AGBL4: variants seen among roughly 807,000 people sequenced by gnomAD.
The protein encoded by AGBL4 is cytosolic carboxypeptidase 6.
A neutral mutation model predicts 66.4 loss-of-function variants in AGBL4; 58 were observed. That is an observed-to-expected ratio of 0.87 (90% CI 0.71 to 1.09). The LOEUF is 1.09. AGBL4 is among the 50% of genes least tolerant of loss of function. The pLI is 0.00. For synonymous variants in AGBL4, 234 were observed against 222.9 expected (o/e 1.05, Z -0.44); for missense variants, 579 against 631.0 (o/e 0.92, Z 0.88).
At chr1:49,009,111 C>G (rs1662139851) in intron 5 of AGBL4, among the ~76,000 whole-genome samples, 1 of 151,300 alleles carries the variant, frequency 6.6e-6, no homozygotes, top group African/African-American at 2.4e-5. Flanking sequence ...AAAGGATCAA[C>G]AAAATAGATA....
chr1:48,757,847 A>T (rs539789164), intron 6 of AGBL4, among the ~76,000 whole-genome samples: 1 of 152,320 alleles, frequency 6.6e-6, no homozygotes, highest in South Asian at 2.1e-4. Flanking sequence ...ACCTTCTTCA[A>T]GCAAAGCACA....
At chr1:48,980,693 A>T (rs2148964293) in intron 5 of AGBL4, among the ~76,000 whole-genome samples, 1 of 130,794 alleles carries the variant, frequency 7.6e-6, no homozygotes, top group East Asian at 2.4e-4. Context: ...GGTGATTGGA[A>T]TTAGTGTTTA....
At chr1:49,916,254 G>A (rs1651475360) in intron 1 of AGBL4, among the ~76,000 whole-genome samples, 1 of 152,204 alleles carries the variant, frequency 6.6e-6, no homozygotes, top group Non-Finnish European at 1.5e-5. Flanking sequence ...GATGAGTTGA[G>A]AGAAGAGGGC....
chr1:49,958,248 T>C (rs1054047182), intron 1 of AGBL4, among the ~76,000 whole-genome samples: 2 of 152,102 alleles, frequency 1.3e-5, no homozygotes, highest in Non-Finnish European at 2.9e-5. Context: ...CTGATGGGCT[T>C]TCCTCTGTGG....
At chr1:49,822,608 A>G (rs974102915) in intron 2 of AGBL4, among the ~76,000 whole-genome samples, 2 of 152,164 alleles carry the variant, frequency 1.3e-5, no homozygotes, top group Non-Finnish European at 2.9e-5. Context: ...TCAAATGCTC[A>G]TCTCCAGAAA....
intron 2 of AGBL4, chr1:49,845,384 A>G: frequency 7.2e-7 from 1 of 1,386,888 alleles, no homozygotes; most frequent in Non-Finnish European, 1.0e-6. Context: ...AGCCAACACA[A>G]GTGAACTCAC....
At chr1:48,909,232 T>C (rs1359660358) in intron 5 of AGBL4, among the ~76,000 whole-genome samples, 1 of 152,206 alleles carries the variant, frequency 6.6e-6, no homozygotes, top group Non-Finnish European at 1.5e-5. Flanking sequence ...TTTTAATGCA[T>C]ATGTTTGTAA....
chr1:49,115,189 C>A lies in AGBL4; in HGVS notation c.378-69389G>T, dbSNP rs76182965. On this transcript the variant is annotated intron_variant, in intron 4 of 13. Transcript: ENST00000371839. ...CCTCATTTAGCATTTAATAAAGAAT[C>A]CTGTTTGGGCTGGAAGTGTTCTTGG... Among the ~76,000 whole-genome samples, 4 of 152,210 alleles carry A rather than the reference C, an allele frequency of 2.6e-5. No individual in the cohort carries two copies. The East Asian group carries it at 5.8e-4, about 22-fold the overall frequency.
At chr1:48,814,656 G>A (rs562020887) in intron 6 of AGBL4, among the ~76,000 whole-genome samples, 93 of 150,100 alleles carry the variant, frequency 6.2e-4, no homozygotes, top group Non-Finnish European at 1.1e-3. Flanking sequence ...GAGAACATGC[G>A]GTATTTAACT....
chr1:49,583,473 T>C (rs1044817920), intron 3 of AGBL4, among the ~76,000 whole-genome samples: 2 of 152,188 alleles, frequency 1.3e-5, no homozygotes, highest in Non-Finnish European at 1.5e-5. Context: ...AGGGGTGTCA[T>C]CAAAATTACT....
At chr1:48,958,506 T>A (rs1353715585) in intron 5 of AGBL4, among the ~76,000 whole-genome samples, 2 of 152,216 alleles carry the variant, frequency 1.3e-5, no homozygotes, top group Non-Finnish European at 2.9e-5. Context: ...GGCTGCCCCA[T>A]AAAAACCTAT....
At chr1:49,766,675 T>A (rs1490714993) in intron 2 of AGBL4, among the ~76,000 whole-genome samples, 2 of 151,096 alleles carry the variant, frequency 1.3e-5, no homozygotes, top group South Asian at 2.1e-4. Flanking sequence ...CCATCCACTA[T>A]CTTCAAGAAA....
chr1:49,789,233 T>A (rs1304834698), intron 2 of AGBL4, among the ~76,000 whole-genome samples: 1 of 152,186 alleles, frequency 6.6e-6, no homozygotes, highest in Non-Finnish European at 1.5e-5. Flanking sequence ...TGCTGCTGGA[T>A]TCGATGTGCC....
chr1:49,527,347 C>T (rs1298786199), intron 3 of AGBL4: 1 of 152,192 alleles, frequency 6.6e-6, no homozygotes, highest in African/African-American at 2.4e-5. Context: ...CATGAAAAGC[C>T]CTATCCGTAT....
rs190968913 is a variant in AGBL4, at chr1:49,934,350, G to A, written c.35-82832C>T. Among the ~76,000 whole-genome samples, 219 of 152,264 alleles carry A rather than the reference G, an allele frequency of 1.4e-3. 1 individual carries two copies. Among genetic ancestry groups the A allele is most frequent in the Middle Eastern group, 6.8e-3 (2 of 294 alleles). ...ACAGCAGCAGAATATAAATTCTACC[G>A]AAGCACACATGGAACATTCTCTATA... On this transcript the variant is annotated intron_variant, in intron 1 of 13. Coordinates refer to ENST00000371839, the MANE Select transcript of AGBL4 (RefSeq NM_032785.4).
At chr1:49,764,065 C>G (rs925715179) in intron 2 of AGBL4, among the ~76,000 whole-genome samples, 1 of 152,054 alleles carries the variant, frequency 6.6e-6, no homozygotes, top group Non-Finnish European at 1.5e-5. Context: ...TGCGCAACCC[C>G]CTACATCTGC....
intron 9 of AGBL4, among the ~76,000 whole-genome samples, chr1:48,629,306 T>C (rs1645556161): frequency 6.6e-6 from 1 of 152,196 alleles, no homozygotes; most frequent in African/African-American, 2.4e-5. Flanking sequence ...GAAGTCACTG[T>C]CATACTCTGT....
At chr1:50,017,204 G>A (rs932446664) in intron 1 of AGBL4, 2 of 151,906 alleles carry the variant, frequency 1.3e-5, no homozygotes, top group African/African-American at 4.8e-5. Context: ...TCTGGACAAT[G>A]AACAATAATA....
chr1:49,776,573 T>C (rs1644203826), intron 2 of AGBL4, among the ~76,000 whole-genome samples: 2 of 152,100 alleles, frequency 1.3e-5, no homozygotes, highest in Admixed American at 1.3e-4. Flanking sequence ...TCTCTCCATT[T>C]CAGAGCTTTT....
Sources: gnomAD v4.1 joint callset for allele counts (sites outside exome capture counted in the v4.1 genomes callset) on GRCh38, gnomAD v4.1.1 for gene constraint, MANE v1.5 for transcripts, NCBI Gene and HGNC (gene_info 2026-07-23, HGNC 2026-07-21) for gene names.